PCSK5: variants seen among roughly 807,000 people sequenced by gnomAD.
PCSK5 encodes the protein proprotein convertase subtilisin/kexin type 5.
In PCSK5, 129 loss-of-function variants were observed where a neutral mutation model predicts 233.2. The ratio of observed to expected loss-of-function variants is 0.55; its 90% CI spans 0.48 to 0.64. PCSK5 has a LOEUF of 0.64. Ranked by LOEUF, PCSK5 falls within the 30% of genes least tolerant of loss-of-function variation. The pLI, the probability that PCSK5 is intolerant of heterozygous loss-of-function variation, is 0.00. For missense variants in PCSK5, 2,076 were observed against 2,430.1 expected (o/e 0.85, Z 3.06); for synonymous variants, 825 against 879.2 (o/e 0.94, Z 1.09).
intron 34 of PCSK5, among the ~76,000 whole-genome samples, chr9:76,334,098 G>A (rs1829612098): frequency 6.6e-6 from 1 of 152,250 alleles, no homozygotes; most frequent in East Asian, 1.9e-4. Context: ...GGCAAAGAGA[G>A]AGAATGAGAG....
chr9:76,188,343 C>T (rs1351012443), intron 17 of PCSK5, among the ~76,000 whole-genome samples: 15 of 152,022 alleles, frequency 9.9e-5, no homozygotes, highest in Non-Finnish European at 1.3e-4. Flanking sequence ...AGGCTGTCCC[C>T]GAAGCCTAGC....
chr9:76,233,048 A>G (rs1239015553), intron 21 of PCSK5, among the ~76,000 whole-genome samples: 1 of 152,262 alleles, frequency 6.6e-6, no homozygotes, highest in Non-Finnish European at 1.5e-5. Flanking sequence ...CTTGCAAAGC[A>G]TGAGCATGCT....
At chr9:76,262,573 T>C (rs1827212052) in intron 24 of PCSK5, among the ~76,000 whole-genome samples, 1 of 149,994 alleles carries the variant, frequency 6.7e-6, no homozygotes, top group Admixed American at 6.7e-5. Context: ...TGGCTAGCCA[T>C]ATGTAGAAAG....
At chr9:76,355,617 A>G (rs781018553) in intron 37 of PCSK5, among the ~76,000 whole-genome samples, 3 of 152,238 alleles carry the variant, frequency 2.0e-5, no homozygotes, top group Non-Finnish European at 4.4e-5. Flanking sequence ...TCTATTTGTA[A>G]GTAAAGAAAA....
At chr9:75,945,261 C>A (rs1824512432) in intron 2 of PCSK5, among the ~76,000 whole-genome samples, 1 of 151,562 alleles carries the variant, frequency 6.6e-6, no homozygotes, top group Non-Finnish European at 1.5e-5. Context: ...TACCATGGTC[C>A]CCAAGCCTTT....
intron 20 of PCSK5, chr9:76,193,489 T>A: frequency 1.5e-6 from 1 of 672,034 alleles, no homozygotes; most frequent in Non-Finnish European, 2.4e-6. Context: ...TCTTTCTCTC[T>A]CTCTCAAGTT....
At chr9:75,937,252 C>T (rs947734642) in intron 2 of PCSK5, among the ~76,000 whole-genome samples, 2 of 151,038 alleles carry the variant, frequency 1.3e-5, no homozygotes, top group Admixed American at 6.6e-5. Flanking sequence ...GATTTCAGCT[C>T]ACTGCAACCT....
At chr9:75,982,422 A>T (rs368210670) in intron 2 of PCSK5, among the ~76,000 whole-genome samples, 1 of 152,096 alleles carries the variant, frequency 6.6e-6, no homozygotes, top group African/African-American at 2.4e-5. Context: ...TCCCCTCACC[A>T]TTATGTGAGA....
rs915725474 is a variant in PCSK5, at chr9:76,236,393, A to G, written c.2867-2566A>G. On this transcript the variant is annotated intron_variant, in intron 22 of 37. Transcript: ENST00000674117. ...TACTCTCCAGAATAAACAAAAGCCA[A>G]TCCAAACTCTTGTCCCCTATTATCC... is the stretch of plus-strand genomic sequence containing the variant. Among the ~76,000 whole-genome samples the G allele has an allele frequency of 1.7e-4, 26 of 152,162 alleles. 1 individual carries two copies. The highest frequency in any genetic ancestry group is 1.4e-3 in the Admixed American group (22 of 15,270).
At chr9:76,354,796 G>T (rs57040727) in intron 37 of PCSK5, among the ~76,000 whole-genome samples, 35,702 of 152,026 alleles carry the variant, frequency 0.23, 4,524 homozygotes, top group Non-Finnish European at 0.28. Flanking sequence ...TTAAAAAATG[G>T]TTCATCTGGA....
Position 76,324,012 on chromosome 9 carries a change from G to T in PCSK5, c.4339+724G>T, listed in dbSNP as rs1472400740. On this transcript the variant is annotated intron_variant, in intron 32 of 37. Transcript: ENST00000674117. ...ACGATCTTGGCTTACTATAACCTCTGCCTCCTGGGTTCAAGCGATTTGCCT... is the reference window on the plus strand; with the variant it reads ...ACGATCTTGGCTTACTATAACCTCTTCCTCCTGGGTTCAAGCGATTTGCCT... 2.7e-5 allele frequency among the ~76,000 whole-genome samples: 4 copies of T among 147,766 alleles called. No homozygotes were observed. In the East Asian group the frequency reaches 7.9e-4, roughly 29 times the overall value.
At chr9:76,249,055 A>C (rs1826712234) in intron 24 of PCSK5, among the ~76,000 whole-genome samples, 1 of 152,134 alleles carries the variant, frequency 6.6e-6, no homozygotes. Context: ...GAGCCACCGT[A>C]CCCAACCCTC....
chr9:76,030,237 A>ATCC (rs1699702186), intron 5 of PCSK5, among the ~76,000 whole-genome samples: 1 of 152,172 alleles, frequency 6.6e-6, no homozygotes, highest in South Asian at 2.1e-4. Context: ...GGATATTCAT[A>ATCC]AACATTTTAG....
At chr9:76,287,726 TG>T (rs1036340985) in intron 24 of PCSK5, 3 of 156,578 alleles carry the variant, frequency 1.9e-5, no homozygotes, top group African/African-American at 7.2e-5. Context: ...CCCAAAGTGC[TG>T]GGATTACAGG....
At chr9:76,223,983 G>A (rs911047089) in intron 20 of PCSK5, among the ~76,000 whole-genome samples, 4 of 152,132 alleles carry the variant, frequency 2.6e-5, no homozygotes, top group South Asian at 4.1e-4. Context: ...AAACATCTAC[G>A]TAAATATGAG....
chr9:76,331,862 A>C (rs1408336263), intron 33 of PCSK5, among the ~76,000 whole-genome samples: 2 of 152,200 alleles, frequency 1.3e-5, no homozygotes, highest in Non-Finnish European at 2.9e-5. Context: ...AGAGCCTCTA[A>C]AAGGAACAGA....
At chr9:76,331,168 A>G (rs1267568575) in intron 33 of PCSK5, among the ~76,000 whole-genome samples, 1 of 152,100 alleles carries the variant, frequency 6.6e-6, no homozygotes, top group Non-Finnish European at 1.5e-5. Context: ...GCTATTTATA[A>G]ATTAGATACT....
At chr9:76,237,194 A>G (rs1464132959) in intron 22 of PCSK5, among the ~76,000 whole-genome samples, 1 of 152,216 alleles carries the variant, frequency 6.6e-6, no homozygotes, top group Admixed American at 6.5e-5. Context: ...TGATCTTCAG[A>G]GATTCCAGGT....
At chr9:76,135,804 C>T (rs980694716) in intron 10 of PCSK5, among the ~76,000 whole-genome samples, 3 of 152,090 alleles carry the variant, frequency 2.0e-5, no homozygotes, top group African/African-American at 7.2e-5. Flanking sequence ...AGACTAAGGA[C>T]ATTAACCTCC....
Sources: allele counts gnomAD v4.1 joint callset (sites outside exome capture counted in the v4.1 genomes callset), GRCh38; gene constraint gnomAD v4.1.1; transcripts MANE v1.5; gene names NCBI Gene and HGNC (gene_info 2026-07-23, HGNC 2026-07-21).